The following NAV1 variants were observed in gnomAD, a reference collection of about 807,000 sequenced individuals.
NAV1 encodes pore membrane and/or filament interacting like protein 3.
NAV1 carries 18 observed loss-of-function variants against 175.2 expected under a neutral mutation model. That is an observed-to-expected ratio of 0.10 (90% confidence interval 0.07 to 0.15). NAV1 has a LOEUF of 0.15. Ranked by LOEUF, NAV1 falls within the 10% of genes least tolerant of loss-of-function variation. The probability of loss-of-function intolerance (pLI) is 1.00; values close to 1 mark genes in which losing one functional copy is unlikely to be tolerated. For missense variants in NAV1, 1,731 were observed against 2,436.6 expected (o/e 0.71, Z 6.10); for synonymous variants, 897 against 978.7 (o/e 0.92, Z 1.56).
rs140019718 is a variant in NAV1, at chr1:201,808,428, C to A, written c.3856C>A (p.His1286Asn). 6.8e-6 allele frequency: 11 copies of A among 1,611,710 alleles called. No individual in the cohort carries two copies. The highest frequency in any genetic ancestry group is 9.3e-6 in the Non-Finnish European group (11 of 1,178,656). ...CTTGCTATCTTACAGGGGCCCTGCTCACCCAGCCCCCCACACTAGGCTGTT... is the reference window on the plus strand; with the variant it reads ...CTTGCTATCTTACAGGGGCCCTGCTAACCCAGCCCCCCACACTAGGCTGTT... Residue 1286 changes from histidine (H) to asparagine (N), a missense_variant, in exon 19 of 30, where the codon CAC (histidine) becomes AAC (asparagine). His to Asn is a moderately conservative substitution (Grantham distance 68). Around this residue, in one of 13 missense-constraint regions of NAV1, gnomAD observed 146 missense variants for 176.8 expected, o/e 0.83. Coordinates refer to ENST00000367296, the Ensembl canonical transcript of NAV1. The surrounding 1 kb of genome is among the most constrained non-coding windows in gnomAD (Gnocchi z 5.5).
At chr1:201,766,602 A>G (rs507068) in intron 3 of NAV1, among the ~76,000 whole-genome samples, 68,711 of 151,916 alleles carry the variant, frequency 0.45, 15,679 homozygotes, top group African/African-American at 0.5. Flanking sequence ...CATAATTTCA[A>G]TGTTTGCACC....
At chr1:201,646,084 T>C (rs1668970763), upstream of NAV1, among the ~76,000 whole-genome samples, 1 of 152,196 alleles carries the variant, frequency 6.6e-6, no homozygotes, top group African/African-American at 2.4e-5. Flanking sequence ...TGTTTGGACA[T>C]AAGCATGGGT....
intron 1 of NAV1, among the ~76,000 whole-genome samples, chr1:201,575,800 A>C (rs528355259): frequency 3.3e-4 from 51 of 152,296 alleles, no homozygotes; most frequent in African/African-American, 1.2e-3. Context: ...GAAGAGAGAG[A>C]GACTGTAGGC....
At chr1:201,643,856 G>A (rs576326307), upstream of NAV1, among the ~76,000 whole-genome samples, 3 of 152,264 alleles carry the variant, frequency 2.0e-5, no homozygotes, top group African/African-American at 4.8e-5. Context: ...GGTTACATCC[G>A]TTTCTAATCA....
intron 1 of NAV1, among the ~76,000 whole-genome samples, chr1:201,707,704 C>A (rs1489076373): frequency 6.6e-6 from 1 of 152,224 alleles, no homozygotes; most frequent in African/African-American, 2.4e-5. Context: ...TCACAGTGCA[C>A]CCTGGGCTGT....
chr1:201,718,737 A>T lies in NAV1; in HGVS notation c.1208A>T (p.Asp403Val). The stretch of plus-strand genomic sequence containing the variant: ...CTCATGGGCAAGACCATGACGGAGG[A>T]TGATGACATCACTACCGGGTAAGCG... Residue 403 changes from aspartate (D) to valine (V), a missense_variant, in exon 3 of 30, where the codon GAT becomes GTT. By Grantham distance (152) the Asp-to-Val change is radical (BLOSUM62 -3). Coordinates refer to ENST00000367296, the Ensembl canonical transcript of NAV1. The surrounding 1 kb of genome is among the most constrained non-coding windows in gnomAD (Gnocchi z 4.8). 6.2e-7 allele frequency: 1 copy of T among 1,611,130 alleles called. No homozygotes were observed. Among genetic ancestry groups the T allele is most frequent in the Non-Finnish European group, 8.5e-7 (1 of 1,177,660 alleles).
chr1:201,712,795 C>T, intron 1 of NAV1, 22 bp from the exon 6 acceptor site: 1 of 1,546,804 alleles, frequency 6.5e-7, no homozygotes, highest in Non-Finnish European at 8.9e-7. Context: ...ACTCACCCAG[C>T]TCTTCCTTCT....
chr1:201,653,499 T>G (rs1167996846), intron 1 of NAV1, among the ~76,000 whole-genome samples: 13 of 144,404 alleles, frequency 9.0e-5, no homozygotes, highest in South Asian at 2.4e-4. Context: ...GTGAATTTTT[T>G]GGGGGGGAGG....
intron 3 of NAV1, among the ~76,000 whole-genome samples, chr1:201,777,606 T>A (rs1676040111): frequency 6.6e-6 from 1 of 151,308 alleles, no homozygotes; most frequent in Non-Finnish European, 1.5e-5. Flanking sequence ...TATTTTTTTT[T>A]CAAGCCATTC....
At chr1:201,578,513 G>T in intron 1 of NAV1, among the ~76,000 whole-genome samples, 1 of 152,144 alleles carries the variant, frequency 6.6e-6, no homozygotes, top group East Asian at 1.9e-4. Flanking sequence ...AAGCAGGAAG[G>T]GTGCCTTATT....
intron 1 of NAV1, among the ~76,000 whole-genome samples, chr1:201,700,464 TAGG>T (rs1368211413): frequency 1.3e-5 from 2 of 152,078 alleles, no homozygotes; most frequent in African/African-American, 2.4e-5. Context: ...TGTGGAGAAA[TAGG>T]AACGCTTTTA....
chr1:201,591,121 G>A (rs1246916267), intron 2 of NAV1, among the ~76,000 whole-genome samples: 1 of 152,148 alleles, frequency 6.6e-6, no homozygotes, highest in African/African-American at 2.4e-5. Flanking sequence ...CTGTCCCAAA[G>A]GAGGCAACAC....
At position 201,812,778 on chromosome 1, in the gene NAV1, C is replaced by T. The variant is rs1678771765; in HGVS notation, c.5221+117C>T. The T allele has an allele frequency of 2.1e-6, 2 of 940,162 alleles. No individual in the cohort carries two copies. The highest frequency in any genetic ancestry group is 3.2e-6 in the Non-Finnish European group (2 of 616,372). 58.2% of individuals were successfully genotyped at this position (940,162 alleles called of 1,614,324 possible). ...CTTCGGCATGTAAAGGAGCTGCAAGCCTTGTGGCTTCAGACTTAGAACCAC... is the reference window on the plus strand; with the variant it reads ...CTTCGGCATGTAAAGGAGCTGCAAGTCTTGTGGCTTCAGACTTAGAACCAC... On this transcript the variant is annotated intron_variant, in intron 27 of 29. Transcript: ENST00000367296. The surrounding 1 kb of genome is among the most constrained non-coding windows in gnomAD (Gnocchi z 4.6).
At chr1:201,790,743 T>C (rs778322431) in exon 13 of NAV1, 1 of 1,614,172 alleles carries the variant, frequency 6.2e-7, no homozygotes, top group Non-Finnish European at 8.5e-7. Context: ...AGTGGCCACC[T>C]TGACGTCTCA....
chr1:201,689,555 C>G (rs986194150), intron 1 of NAV1, among the ~76,000 whole-genome samples: 1 of 152,192 alleles, frequency 6.6e-6, no homozygotes, highest in Non-Finnish European at 1.5e-5. Flanking sequence ...TTCCTACTTA[C>G]AAGAGTAGCA....
intron 1 of NAV1, among the ~76,000 whole-genome samples, chr1:201,699,887 T>G (rs1671343069): frequency 6.6e-6 from 1 of 152,236 alleles, no homozygotes. Flanking sequence ...TGGCTAGCCA[T>G]ATGTAGAAAG....
chr1:201,573,019 A>AGT (rs1666593277), intron 1 of NAV1, among the ~76,000 whole-genome samples: 1 of 152,210 alleles, frequency 6.6e-6, no homozygotes, highest in Non-Finnish European at 1.5e-5. Flanking sequence ...ATCTGAAACT[A>AGT]GTGTCATCAC....
rs1325588756 is a variant in NAV1, at chr1:201,648,636, G to T, written c.-33G>T. On this transcript the variant is annotated 5_prime_UTR_variant, in exon 1 of 30. Coordinates refer to ENST00000367296, the Ensembl canonical transcript of NAV1. ...GCCCCCTCCCCCCGTGCCTGCAGAC[G>T]CGCGGATCGTCCATGCGCTCCTCGC... is the stretch of plus-strand genomic sequence containing the variant. 3 of 1,295,636 alleles carry T rather than the reference G, an allele frequency of 2.3e-6. No homozygotes were observed. In the Admixed American group the frequency reaches 1.2e-4, roughly 51 times the overall value. The allele number at this position is 1,295,636 out of a possible 1,614,324, so 80.3% of individuals were successfully genotyped here.
chr1:201,802,000 A>T (rs1425206296), intron 15 of NAV1, among the ~76,000 whole-genome samples: 1 of 148,714 alleles, frequency 6.7e-6, no homozygotes, highest in African/African-American at 2.5e-5. Flanking sequence ...AGCCGGGCGT[A>T]GTGGCGGGCG....
Sources: allele counts gnomAD v4.1 joint callset (sites outside exome capture counted in the v4.1 genomes callset), GRCh38; gene constraint gnomAD v4.1.1; regional missense constraint gnomAD v4.1.1; non-coding constraint Gnocchi (gnomAD v3.1); transcripts MANE v1.5; gene names NCBI Gene and HGNC (gene_info 2026-07-23, HGNC 2026-07-21).